The following FGD4 variants were observed in gnomAD, a reference collection of about 807,000 sequenced individuals.
The protein encoded by FGD4 is FYVE, RhoGEF and PH domain-containing protein 4.
A neutral mutation model predicts 102.0 loss-of-function variants in FGD4; 42 were observed. The ratio of observed to expected loss-of-function variants is 0.41; its 90% CI spans 0.32 to 0.53. FGD4 has a LOEUF of 0.53. Among genes scored for constraint, FGD4 ranks in the 20% least tolerant of loss-of-function variants. The pLI is 0.21. For synonymous variants in FGD4, 380 were observed against 375.7 expected (o/e 1.01, Z -0.13); for missense variants, 902 against 1,078.2 (o/e 0.84, Z 2.29).
At chr12:32,423,351 G>C (rs1941713515) in intron 1 of FGD4, among the ~76,000 whole-genome samples, 1 of 152,026 alleles carries the variant, frequency 6.6e-6, no homozygotes, top group East Asian at 1.9e-4. Context: ...CAGCACTTTG[G>C]GAGGCCGAGG....
intron 1 of FGD4, among the ~76,000 whole-genome samples, chr12:32,408,516 T>G (rs1209469099): frequency 6.6e-6 from 1 of 152,146 alleles, no homozygotes; most frequent in Non-Finnish European, 1.5e-5. Flanking sequence ...TTGGCCAGAC[T>G]AGTTTTGAAT....
At chr12:32,625,593 T>C in intron 13 of FGD4, 61 bp from the exon 14 acceptor site, 1 of 1,560,538 alleles carries the variant, frequency 6.4e-7, no homozygotes, top group Non-Finnish European at 8.7e-7. Flanking sequence ...TTTCAAAAAA[T>C]AATAATAAAA....
chr12:32,514,626 C>T (rs1267776703), intron 1 of FGD4, among the ~76,000 whole-genome samples: 1 of 152,122 alleles, frequency 6.6e-6, no homozygotes, highest in Non-Finnish European at 1.5e-5. Context: ...ATCCTCCTGC[C>T]TCAGCCTCCT....
At chr12:32,427,084 A>T in intron 1 of FGD4, among the ~76,000 whole-genome samples, 2 of 147,588 alleles carry the variant, frequency 1.4e-5, no homozygotes, top group African/African-American at 2.5e-5. Context: ...CTCTGATCTT[A>T]GTTATTTCTT....
intron 1 of FGD4, among the ~76,000 whole-genome samples, chr12:32,410,422 C>T (rs111352942): frequency 6.6e-6 from 1 of 151,672 alleles, no homozygotes; most frequent in Non-Finnish European, 1.5e-5. Context: ...GAGGCTGAGG[C>T]TGCAGTGACC....
chr12:32,439,227 T>C (rs1307145462), intron 1 of FGD4, among the ~76,000 whole-genome samples: 2 of 152,224 alleles, frequency 1.3e-5, no homozygotes, highest in African/African-American at 4.8e-5. Context: ...GCAGTATTTG[T>C]CATTTTGTGT....
chr12:32,400,128 T>G (rs1046256838), intron 1 of FGD4, among the ~76,000 whole-genome samples, 169 bp downstream of exon 1: 6 of 152,248 alleles, frequency 3.9e-5, no homozygotes, highest in Non-Finnish European at 7.3e-5. Context: ...TTAGCTATGC[T>G]GTCCCTTCCC....
chr12:32,586,763 T>C (rs1164561157), intron 4 of FGD4, among the ~76,000 whole-genome samples: 1 of 152,118 alleles, frequency 6.6e-6, no homozygotes, highest in African/African-American at 2.4e-5. Flanking sequence ...CTAGGCTGGA[T>C]GAATTGGCAG....
intron 1 of FGD4, among the ~76,000 whole-genome samples, chr12:32,441,268 A>G (rs1241604312): frequency 6.6e-6 from 1 of 152,106 alleles, no homozygotes; most frequent in Non-Finnish European, 1.5e-5. Flanking sequence ...GCCTGAAGTC[A>G]GCAAGTCTCA....
chr12:32,436,173 C>G (rs776915515), intron 1 of FGD4, among the ~76,000 whole-genome samples: 27 of 152,106 alleles, frequency 1.8e-4, no homozygotes, highest in Non-Finnish European at 3.1e-4. Flanking sequence ...TGTGGTTGGA[C>G]TGGAATGCTA....
chr12:32,504,219 C>T (rs773943794), intron 1 of FGD4, among the ~76,000 whole-genome samples: 12 of 152,098 alleles, frequency 7.9e-5, no homozygotes, highest in Non-Finnish European at 1.8e-4. Flanking sequence ...TTGTCCAATC[C>T]ACCACTAACA....
At chr12:32,526,952 T>G (rs753850045) in intron 1 of FGD4, among the ~76,000 whole-genome samples, 3 of 152,192 alleles carry the variant, frequency 2.0e-5, no homozygotes, top group Non-Finnish European at 2.9e-5. Flanking sequence ...TACTTTAAAT[T>G]TACTTATCCA....
At chr12:32,432,263 T>C (rs377736262) in intron 1 of FGD4, among the ~76,000 whole-genome samples, 2 of 151,140 alleles carry the variant, frequency 1.3e-5, no homozygotes, top group Admixed American at 6.6e-5. Flanking sequence ...GGTTTCACCA[T>C]GTTAGCCAGG....
At chr12:32,502,255 G>C (rs1237036712) in intron 1 of FGD4, 1 of 985,336 alleles carries the variant, frequency 1.0e-6, no homozygotes, top group East Asian at 1.1e-4. Context: ...GCTTGCTTTG[G>C]CTCGCTGGAA....
rs1434640581 is a variant in FGD4 at position 32,642,035 on chromosome 12, A to C, written c.*1502A>C. ...GTAAGGATTACACCTTAGATATAGAATAGAATTTGAGACTGCCACACATTT... is the reference window on the plus strand; with the variant it reads ...GTAAGGATTACACCTTAGATATAGACTAGAATTTGAGACTGCCACACATTT... On this transcript the variant is annotated 3_prime_UTR_variant, in exon 17 of 17. Coordinates refer to ENST00000534526, the MANE Select transcript of FGD4 (RefSeq NM_001370298.3). 6.6e-6 allele frequency: 1 copy of C among 152,150 alleles called. No individual in the cohort carries two copies. Among genetic ancestry groups the C allele is most frequent in the East Asian group, 1.9e-4 (1 of 5,202 alleles). The allele number at this position is 152,150 out of a possible 1,614,324, so 9.4% of individuals were successfully genotyped here.
At chr12:32,628,171 A>G (rs1381059599) in intron 14 of FGD4, among the ~76,000 whole-genome samples, 4 of 152,140 alleles carry the variant, frequency 2.6e-5, no homozygotes, top group Admixed American at 6.5e-5. Flanking sequence ...GCAGAGAACT[A>G]TGATCCGTTA....
In FGD4 at chr12:32,578,887, A is replaced by G. The variant is rs762939824; in HGVS notation, c.503+2438A>G. The stretch of plus-strand genomic sequence containing the variant: ...TTAAGATGACAGATTTGGAGCAAGT[A>G]GATTTTCTTTAATTTTTACTGTGGT... On this transcript the variant is annotated intron_variant, in intron 3 of 16. Coordinates refer to ENST00000534526, the MANE Select transcript of FGD4 (RefSeq NM_001370298.3). Among the ~76,000 whole-genome samples, 68 of 151,612 alleles carry G rather than the reference A, an allele frequency of 4.5e-4. 1 individual carries two copies. Among genetic ancestry groups the G allele is most frequent in the Non-Finnish European group, 7.8e-4 (53 of 67,870 alleles).
In FGD4 at chr12:32,531,841, C is replaced by T. The variant is rs528279869; in HGVS notation, c.167-32296C>T. ...CACCTGATGAGAAACTGCTATTGCT[C>T]CTATTGGGTAGCCTAGAATTTAGTG... On this transcript the variant is annotated intron_variant, in intron 1 of 16. Transcript: ENST00000534526. Among the ~76,000 whole-genome samples, 347 of 152,298 alleles carry T rather than the reference C, an allele frequency of 2.3e-3. 1 individual carries two copies. Among genetic ancestry groups the T allele is most frequent in the African/African-American group, 8.0e-3 (332 of 41,566 alleles).
At chr12:32,574,612 T>C (rs777123921) in intron 2 of FGD4, 183 of 152,352 alleles carry the variant, frequency 1.2e-3, no homozygotes, top group African/African-American at 4.1e-3. Context: ...ATTGAGATTT[T>C]CTTATTGTTT....
Sources: allele counts gnomAD v4.1 joint callset (sites outside exome capture counted in the v4.1 genomes callset), GRCh38; gene constraint gnomAD v4.1.1; transcripts MANE v1.5; gene names NCBI Gene and HGNC (gene_info 2026-07-23, HGNC 2026-07-21).